Variants in DCAF6 observed in about 807,000 individuals in gnomAD.
DCAF6 encodes the protein DDB1- and CUL4-associated factor 6.
Under a neutral mutation model 125.1 loss-of-function variants are expected in DCAF6, and 54 were observed. That is an observed-to-expected ratio of 0.43 (90% CI 0.35 to 0.54). DCAF6 has a LOEUF of 0.54. DCAF6 is among the 20% of genes least tolerant of loss of function. The pLI is 0.01. For missense variants in DCAF6, 934 were observed against 1,161.7 expected (o/e 0.80, Z 2.85); for synonymous variants, 371 against 390.4 (o/e 0.95, Z 0.58).
At position 168,043,058 on chromosome 1, in the gene DCAF6, G is replaced by C; in HGVS notation, c.1761G>C (p.Gly587=). 6.2e-7 allele frequency: 1 copy of C among 1,612,630 alleles called. No homozygotes were observed. Residue 587 remains glycine, a synonymous_variant, in exon 14 of 22, where the codon GGG becomes GGC. Transcript: ENST00000367840. ...SSIASSSRGI[G]SHCKSEGQEE... ...TAGCATCAAGTTCTAGAGGAATTGG[G>C]AGCCATTGCAAATCTGAGGGTCAGG...
intron 12 of DCAF6, among the ~76,000 whole-genome samples, chr1:168,029,109 A>G (rs988996045): frequency 6.6e-6 from 1 of 152,234 alleles, no homozygotes; most frequent in African/African-American, 2.4e-5. Flanking sequence ...GTTAAACCCT[A>G]TTTAATTTTT....
At chr1:168,043,708 G>T (rs1182320383) in intron 14 of DCAF6, among the ~76,000 whole-genome samples, 2 of 152,134 alleles carry the variant, frequency 1.3e-5, no homozygotes, top group African/African-American at 2.4e-5. Context: ...TCTTATAAAT[G>T]TGTAGGTACC....
At chr1:167,959,696 G>A (rs1366844909) in intron 2 of DCAF6, among the ~76,000 whole-genome samples, 1 of 152,154 alleles carries the variant, frequency 6.6e-6, no homozygotes, top group Non-Finnish European at 1.5e-5. Flanking sequence ...GCCTGTTATG[G>A]CCTTTGGCTC....
intron 19 of DCAF6, among the ~76,000 whole-genome samples, chr1:168,065,991 G>GT (rs1692276660): frequency 6.6e-6 from 1 of 152,202 alleles, no homozygotes; most frequent in South Asian, 2.1e-4. Context: ...TTTACAAGCT[G>GT]TAAGAGGTTT....
At chr1:167,984,852 C>A (rs1679716808) in intron 4 of DCAF6, among the ~76,000 whole-genome samples, 1 of 152,128 alleles carries the variant, frequency 6.6e-6, no homozygotes, top group Admixed American at 6.5e-5. Context: ...AGTTCATTTT[C>A]ATGCTGCTAA....
intron 18 of DCAF6, among the ~76,000 whole-genome samples, chr1:168,064,124 G>GT (rs1403173813): frequency 1.9e-4 from 18 of 92,540 alleles, no homozygotes; most frequent in African/African-American, 8.2e-4. Flanking sequence ...TTCTTTGTTA[G>GT]TTTTGGAGAG....
At chr1:167,895,907 T>C in the DCAF6 span, among the ~76,000 whole-genome samples, 2 of 152,152 alleles carry the variant, frequency 1.3e-5, no homozygotes, top group African/African-American at 4.8e-5. Flanking sequence ...GAAAGGAAAC[T>C]AAGCAAAGAG....
At chr1:167,901,619 C>CTA in the DCAF6 span, 18 of 1,599,636 alleles carry the variant, frequency 1.1e-5, no homozygotes, top group South Asian at 6.6e-5. Flanking sequence ...AGTCAAGACC[C>CTA]TATCCCAGCT....
chr1:168,071,283 G>A (rs1275763499), intron 21 of DCAF6, among the ~76,000 whole-genome samples: 2 of 152,086 alleles, frequency 1.3e-5, no homozygotes, highest in Non-Finnish European at 2.9e-5. Context: ...TAAATGAACA[G>A]GTATGGCACT....
intron 4 of DCAF6, among the ~76,000 whole-genome samples, chr1:167,986,821 T>C (rs549285588): frequency 2.9e-4 from 44 of 152,282 alleles, no homozygotes; most frequent in South Asian, 6.2e-4. Flanking sequence ...GAAGAACTTA[T>C]TGAGGCAGGG....
the DCAF6 span, among the ~76,000 whole-genome samples, chr1:167,873,856 G>T: frequency 6.6e-6 from 1 of 152,192 alleles, no homozygotes; most frequent in Non-Finnish European, 1.5e-5. Context: ...TTACATTAAA[G>T]TTAAGAATTC....
rs78198165 is a variant in DCAF6, at chr1:167,996,622, C to T, written c.903+3182C>T. Among the ~76,000 whole-genome samples the T allele has an allele frequency of 7.9e-3, 1,204 of 152,322 alleles. 14 individuals are homozygous for T. The highest frequency in any genetic ancestry group is 0.027 in the African/African-American group (1,135 of 41,568). On this transcript the variant is annotated intron_variant, in intron 7 of 21. Transcript: ENST00000367840. The stretch of plus-strand genomic sequence containing the variant: ...CTCTTCTCATCAACATTCTAAGTGG[C>T]TCCCTGTCGGACCTAAAGCAAAACT...
chr1:167,873,992 A>G, the DCAF6 span, among the ~76,000 whole-genome samples: 1 of 152,210 alleles, frequency 6.6e-6, no homozygotes, highest in African/African-American at 2.4e-5. Context: ...GATAATCAAA[A>G]TATAACCCAG....
intron 2 of DCAF6, among the ~76,000 whole-genome samples, chr1:167,952,425 T>C (rs1356253134): frequency 1.3e-5 from 2 of 152,132 alleles, no homozygotes; most frequent in Non-Finnish European, 2.9e-5. Flanking sequence ...TTCACTGTGT[T>C]AGCCAGGATG....
chr1:167,958,732 G>T (rs1675142757), intron 2 of DCAF6, among the ~76,000 whole-genome samples: 1 of 152,038 alleles, frequency 6.6e-6, no homozygotes, highest in African/African-American at 2.4e-5. Flanking sequence ...AATTTTTTTA[G>T]AGCAGTTTTA....
At chr1:168,031,133 A>G (rs1687030435) in intron 12 of DCAF6, among the ~76,000 whole-genome samples, 1 of 152,216 alleles carries the variant, frequency 6.6e-6, no homozygotes, top group East Asian at 1.9e-4. Context: ...ATTTTTGCAT[A>G]CAGATGTTAA....
chr1:167,916,179 A>G, the DCAF6 span, among the ~76,000 whole-genome samples: 1 of 152,172 alleles, frequency 6.6e-6, no homozygotes, highest in Non-Finnish European at 1.5e-5. Context: ...ATGTGTTCCA[A>G]GTGGCAATGA....
At position 168,062,227 on chromosome 1, in the gene DCAF6, A is replaced by T. The variant is rs1004600671; in HGVS notation, c.2301-1394A>T. On this transcript the variant is annotated intron_variant, in intron 17 of 21. Coordinates refer to ENST00000367840, the MANE Select transcript of DCAF6 (RefSeq NM_001198956.2). ...ATTCATGATATCAGAAGTCAGAATAATGGTTTCCTTTAAAGGGACAGTAAT... is the reference window on the plus strand; with the variant it reads ...ATTCATGATATCAGAAGTCAGAATATTGGTTTCCTTTAAAGGGACAGTAAT... 4.6e-5 allele frequency among the ~76,000 whole-genome samples: 7 copies of T among 152,284 alleles called. No homozygotes were observed. In the South Asian group the frequency reaches 1.2e-3, roughly 27 times the overall value.
At chr1:168,069,809 T>G (rs1692807438) in intron 21 of DCAF6, among the ~76,000 whole-genome samples, 1 of 152,204 alleles carries the variant, frequency 6.6e-6, no homozygotes, top group Non-Finnish European at 1.5e-5. Context: ...TTTTGTGATC[T>G]TCTTTGGGTT....
Sources: gnomAD v4.1 joint callset for allele counts (sites outside exome capture counted in the v4.1 genomes callset) on GRCh38, gnomAD v4.1.1 for gene constraint, MANE v1.5 for transcripts, NCBI Gene and HGNC (gene_info 2026-07-23, HGNC 2026-07-21) for gene names.